The following C4orf17 variants were observed in gnomAD, a reference collection of about 807,000 sequenced individuals.
C4orf17 encodes uncharacterized protein C4orf17.
A neutral mutation model predicts 32.0 loss-of-function variants in C4orf17; 25 were observed. The observed-to-expected ratio is 0.78, with a 90% CI of 0.57 to 1.09. The LOEUF (loss-of-function observed/expected upper bound fraction) is 1.09, where lower values mean the gene tolerates loss of function less well. Among genes scored for constraint, C4orf17 ranks in the 50% least tolerant of loss-of-function variants. C4orf17 has a pLI of 0.00. For missense variants in C4orf17, 420 were observed against 420.0 expected, an observed-to-expected ratio of 1.00 and a Z score of 0.00; for synonymous variants, 149 against 145.8, an observed-to-expected ratio of 1.02 and a Z score of -0.16.
chr4:99,542,078 G>C lies in C4orf17; in HGVS notation c.1049G>C (p.Arg350Thr). 1 of 1,614,034 alleles carries C rather than the reference G, an allele frequency of 6.2e-7. No individual in the cohort carries two copies. The highest frequency in any genetic ancestry group is 1.1e-5 in the South Asian group (1 of 91,068). Residue 350 changes from arginine to threonine, a missense_variant, in exon 9 of 9, where the codon AGA becomes ACA. By Grantham distance (71) the Arg-to-Thr change is moderately conservative. Transcript: ENST00000326581. ...SIQEYNLCPQ[R>T]ACYPSTHRR Reference sequence around the variant, plus strand: ...CAAGAATACAACCTCTGTCCCCAAAGAGCATGTTATCCTTCAACACACCGG... The same window carrying C: ...CAAGAATACAACCTCTGTCCCCAAACAGCATGTTATCCTTCAACACACCGG...
intron 3 of C4orf17, among the ~76,000 whole-genome samples, chr4:99,524,210 T>C (rs1241944565): frequency 2.0e-5 from 3 of 152,132 alleles, no homozygotes; most frequent in East Asian, 1.9e-4. Flanking sequence ...CTCGATCTCC[T>C]GACCTCGTGA....
At chr4:99,512,199 G>A (rs928715599) in intron 1 of C4orf17, among the ~76,000 whole-genome samples, 11 of 152,108 alleles carry the variant, frequency 7.2e-5, no homozygotes, top group Non-Finnish European at 1.6e-4. Context: ...CTGCTACGAT[G>A]AATAAGATTT....
At chr4:99,525,001 T>C (rs1226654647) in intron 4 of C4orf17, among the ~76,000 whole-genome samples, 2 of 152,232 alleles carry the variant, frequency 1.3e-5, no homozygotes, top group African/African-American at 4.8e-5. Context: ...TCCATGTTTT[T>C]ATGTGCATCA....
At chr4:99,515,148 C>T (rs549224630) in intron 2 of C4orf17, among the ~76,000 whole-genome samples, 137 of 152,224 alleles carry the variant, frequency 9.0e-4, no homozygotes, top group Non-Finnish European at 2.2e-4. Flanking sequence ...CTGGGTTCAG[C>T]GTACACTGCT....
intron 2 of C4orf17, chr4:99,519,256 C>T (rs1337024879): frequency 6.6e-6 from 1 of 152,200 alleles, no homozygotes; most frequent in Non-Finnish European, 1.5e-5. Flanking sequence ...TGTACAAGAG[C>T]TCCCTTCAGC....
intron 8 of C4orf17, 72 bp from the exon 9 acceptor site, chr4:99,541,838 C>T: frequency 9.5e-7 from 1 of 1,053,474 alleles, no homozygotes; most frequent in Non-Finnish European, 1.4e-6. Flanking sequence ...AGATAATTTA[C>T]TACTAAAACA....
chr4:99,533,139 G>A (rs1723504349), intron 5 of C4orf17, among the ~76,000 whole-genome samples: 1 of 152,166 alleles, frequency 6.6e-6, no homozygotes, highest in African/African-American at 2.4e-5. Context: ...TCATCCCAAG[G>A]GGTGTGGGAA....
chr4:99,519,061 G>A (rs989151028), intron 2 of C4orf17, among the ~76,000 whole-genome samples: 2 of 152,154 alleles, frequency 1.3e-5, no homozygotes, highest in Non-Finnish European at 2.9e-5. Context: ...TAAGAAAGCC[G>A]TAAATGAAGG....
At chr4:99,516,226 C>A (rs1723178320) in intron 2 of C4orf17, among the ~76,000 whole-genome samples, 1 of 152,154 alleles carries the variant, frequency 6.6e-6, no homozygotes, top group African/African-American at 2.4e-5. Flanking sequence ...AAAAAAATGT[C>A]CCTACCCTCA....
intron 4 of C4orf17, among the ~76,000 whole-genome samples, chr4:99,526,651 C>CTTTTTTTTTTTT (rs145120945): frequency 1.5e-5 from 2 of 137,612 alleles, no homozygotes; most frequent in African/African-American, 5.2e-5. Flanking sequence ...CTTTTCTTTT[C>CTTTTTTTTTTTT]TTTTTTTTTT....
intron 5 of C4orf17, among the ~76,000 whole-genome samples, chr4:99,534,719 C>T (rs553755583): frequency 1.1e-3 from 164 of 152,258 alleles, no homozygotes; most frequent in African/African-American, 3.9e-3. Context: ...ATTTGTATTT[C>T]TCTAATGCAT....
chr4:99,515,864 T>C (rs748680426), intron 2 of C4orf17, among the ~76,000 whole-genome samples: 6 of 151,364 alleles, frequency 4.0e-5, no homozygotes, highest in African/African-American at 7.3e-5. Flanking sequence ...ATCCTGGAGA[T>C]AGAGAAGAGA....
At chr4:99,539,083 A>G (rs1188217403) in intron 6 of C4orf17, 80 bp from the exon 7 acceptor site, 33 of 1,245,736 alleles carry the variant, frequency 2.6e-5, no homozygotes, top group Admixed American at 1.1e-4. Context: ...CATACTCAGG[A>G]GCTGGATATT....
chr4:99,518,224 C>T (rs1723219561), intron 2 of C4orf17, among the ~76,000 whole-genome samples: 1 of 151,846 alleles, frequency 6.6e-6, no homozygotes, highest in Non-Finnish European at 1.5e-5. Context: ...GTCTATCCTC[C>T]ATAGAACAAC....
At chr4:99,525,787 T>A (rs1723377947) in intron 4 of C4orf17, among the ~76,000 whole-genome samples, 1 of 151,660 alleles carries the variant, frequency 6.6e-6, no homozygotes, top group East Asian at 1.9e-4. Context: ...CAGAGCAAGA[T>A]TCCGTTTCAA....
chr4:99,541,259 G>A (rs1723647458), intron 8 of C4orf17: 1 of 152,224 alleles, frequency 6.6e-6, no homozygotes, highest in Admixed American at 6.6e-5. Flanking sequence ...CCAATAATAA[G>A]TATAGTTTAA....
intron 2 of C4orf17, among the ~76,000 whole-genome samples, chr4:99,518,578 GAGA>G (rs1723234691): frequency 4.1e-5 from 5 of 123,322 alleles, no homozygotes; most frequent in African/African-American, 3.8e-5. Context: ...GAGAGAGAGA[GAGA>G]GAGGGAGGGA....
intron 6 of C4orf17, among the ~76,000 whole-genome samples, chr4:99,538,020 G>A (rs1352716525): frequency 6.6e-6 from 1 of 152,164 alleles, no homozygotes; most frequent in Non-Finnish European, 1.5e-5. Flanking sequence ...CTTATTCTCA[G>A]CTAGAGTTGG....
chr4:99,541,578 G>A (rs1383214553), intron 8 of C4orf17: 4 of 245,938 alleles, frequency 1.6e-5, no homozygotes, highest in Non-Finnish European at 3.1e-5. Context: ...TAGCCTGTTT[G>A]TCTCTTCTCT....
Sources: allele counts gnomAD v4.1 joint callset (sites outside exome capture counted in the v4.1 genomes callset), GRCh38; gene constraint gnomAD v4.1.1; transcripts MANE v1.5; gene names NCBI Gene and HGNC (gene_info 2026-07-23, HGNC 2026-07-21).